Variants in OSBPL3 observed in about 807,000 individuals in gnomAD.
The protein encoded by OSBPL3 is oxysterol binding protein like 3.
A neutral mutation model predicts 120.1 loss-of-function variants in OSBPL3; 65 were observed. The observed-to-expected ratio is 0.54, with a 90% confidence interval of 0.44 to 0.67. The LOEUF is 0.67. Ranked by LOEUF, OSBPL3 falls within the 30% of genes least tolerant of loss-of-function variation. OSBPL3 has a pLI of 0.00. For missense variants in OSBPL3, 1,004 were observed against 1,082.1 expected (o/e 0.93, Z 1.01); for synonymous variants, 416 against 402.6 (o/e 1.03, Z -0.40).
intron 16 of OSBPL3, among the ~76,000 whole-genome samples, chr7:24,826,356 G>A (rs893735759): frequency 1.3e-5 from 2 of 152,160 alleles, no homozygotes; most frequent in African/African-American, 4.8e-5. Flanking sequence ...ACTCCTGATC[G>A]GTCCTCTTTC....
chr7:24,897,360 C>G (rs1440481367), intron 1 of OSBPL3, among the ~76,000 whole-genome samples: 2 of 128,532 alleles, frequency 1.6e-5, no homozygotes, highest in Non-Finnish European at 3.1e-5. Flanking sequence ...GAGTCTCGCT[C>G]TGTCGCCCAG....
At position 24,881,563 on chromosome 7, in the gene OSBPL3, T is replaced by G. The variant is rs141237634; in HGVS notation, c.97-9494A>C. On this transcript the variant is annotated intron_variant, in intron 2 of 22. Transcript: ENST00000313367. The surrounding 1 kb of genome is among the most constrained non-coding windows in gnomAD (Gnocchi z 4.3). ...AATTTGTAAATTGTCAAATGGGAGA[T>G]TCACACAAACCTGCTGCAGGAGTTC... is the stretch of plus-strand genomic sequence containing the variant. 0.011 allele frequency among the ~76,000 whole-genome samples: 1,709 copies of G among 152,190 alleles called. 14 individuals carry two copies. The highest frequency in any genetic ancestry group is 0.037 in the South Asian group (180 of 4,818).
rs1428891024 is a variant in OSBPL3 at position 24,922,088 on chromosome 7, T to C, written c.-149-29467A>G. Reference sequence around the variant, plus strand: ...CTCTATACTTCTAACATTGTTAGTATTGTGAATGCAATTTACTTTTTAAAT... The same window carrying C: ...CTCTATACTTCTAACATTGTTAGTACTGTGAATGCAATTTACTTTTTAAAT... On this transcript the variant is annotated intron_variant, in intron 1 of 22. Coordinates refer to ENST00000313367, the MANE Select transcript of OSBPL3 (RefSeq NM_015550.4). The surrounding 1 kb of genome is among the most constrained non-coding windows in gnomAD (Gnocchi z 4.3). Among the ~76,000 whole-genome samples, 1 of 152,252 alleles carries C rather than the reference T, an allele frequency of 6.6e-6. No homozygotes were observed. Among genetic ancestry groups the C allele is most frequent in the Non-Finnish European group, 1.5e-5 (1 of 68,042 alleles).
intron 1 of OSBPL3, among the ~76,000 whole-genome samples, chr7:24,909,935 G>A (rs558672312): frequency 1.3e-5 from 2 of 151,838 alleles, no homozygotes; most frequent in East Asian, 3.9e-4. Flanking sequence ...CTCATGAGTA[G>A]CTGGGATTAC....
chr7:24,946,651 T>A lies in OSBPL3; in HGVS notation c.-150+33235A>T, dbSNP rs766732159. Among the ~76,000 whole-genome samples, 1 of 152,214 alleles carries A rather than the reference T, an allele frequency of 6.6e-6. No individual in the cohort carries two copies. The highest frequency in any genetic ancestry group is 6.5e-5 in the Admixed American group (1 of 15,286). On this transcript the variant is annotated intron_variant, in intron 1 of 22. Coordinates refer to ENST00000313367, the MANE Select transcript of OSBPL3 (RefSeq NM_015550.4). This position sits in a 1 kb window ranked among gnomAD's most constrained non-coding sequence, Gnocchi z 4.3. The stretch of plus-strand genomic sequence containing the variant: ...AAGCTGCTTTTGGACTTTGGACTCC[T>A]AAGCAACAAAAGGCCACACCACCAG...
intron 10 of OSBPL3, among the ~76,000 whole-genome samples, chr7:24,857,081 G>T (rs1184579401): frequency 2.0e-5 from 3 of 152,064 alleles, no homozygotes; most frequent in African/African-American, 7.2e-5. Context: ...AGGTATCATT[G>T]TAACACACTT....
chr7:24,928,101 C>T (rs535552432), intron 1 of OSBPL3, among the ~76,000 whole-genome samples: 1 of 152,232 alleles, frequency 6.6e-6, no homozygotes, highest in South Asian at 2.1e-4. Context: ...GCTCCCCCTT[C>T]GCCTTCTGCC....
At chr7:24,825,183 G>A (rs1174573203) in intron 16 of OSBPL3, among the ~76,000 whole-genome samples, 3 of 152,198 alleles carry the variant, frequency 2.0e-5, no homozygotes, top group African/African-American at 4.8e-5. Context: ...CTGGAAACAG[G>A]AGACCAGTAG....
At chr7:24,865,249 T>A (rs2040689) in intron 7 of OSBPL3, 93 bp downstream of exon 7, 481,260 of 1,330,408 alleles carry the variant, frequency 0.36, 97,525 homozygotes, top group East Asian at 0.78. Flanking sequence ...TGGACAAGCA[T>A]AGGGGAAGGA....
In OSBPL3 at chr7:24,800,257, C is replaced by A. The variant is rs143927692; in HGVS notation, c.2590G>T (p.Val864Leu). 2 of 1,610,866 alleles carry A rather than the reference C, an allele frequency of 1.2e-6. No individual in the cohort carries two copies. Among genetic ancestry groups the A allele is most frequent in the Non-Finnish European group, 1.7e-6 (2 of 1,177,178 alleles). The change falls in exon 23 of 23, where the codon GTG (valine) becomes TTG (leucine). Residue 864 changes from valine to leucine, a missense_variant. Physicochemically the swap from Val to Leu is conservative, Grantham distance 32 (BLOSUM62 1). Around this residue, in one of 4 missense-constraint regions of OSBPL3, gnomAD observed 473 missense variants for 568.0 expected, o/e 0.83. Coordinates refer to ENST00000313367, the MANE Select transcript of OSBPL3 (RefSeq NM_015550.4). ...FFRKSDDDSWVSNGTYLELRK... is the reference protein window; with the variant it reads ...FFRKSDDDSWLSNGTYLELRK... The stretch of plus-strand genomic sequence containing the variant: ...AGTTCCAAATAGGTGCCGTTGCTCA[C>A]CCAAGAGTCATCGTCGGATTTCCTG...
chr7:24,923,936 A>T (rs921851528), intron 1 of OSBPL3, among the ~76,000 whole-genome samples: 2 of 152,222 alleles, frequency 1.3e-5, no homozygotes, highest in African/African-American at 4.8e-5. Flanking sequence ...AAACAATTTC[A>T]AATATCAACA....
At position 24,872,450 on chromosome 7, in the gene OSBPL3, T is replaced by G. The variant is rs62450562; in HGVS notation, c.97-381A>C. Among the ~76,000 whole-genome samples, 1 of 86,158 alleles carries G rather than the reference T, an allele frequency of 1.2e-5. No individual in the cohort carries two copies. The highest frequency in any genetic ancestry group is 4.3e-5 in the African/African-American group (1 of 23,278). 56.5% of individuals were successfully genotyped at this position (86,158 alleles called of 152,430 possible). ...AGTCTGAATTTTAACCGAAAGAGAG[T>G]GTGTGTGTGTGTGTGTGTGTGTGTG... On this transcript the variant is annotated intron_variant, in intron 2 of 22. Transcript: ENST00000313367. The surrounding 1 kb of genome is among the most constrained non-coding windows in gnomAD (Gnocchi z 4.1).
intron 7 of OSBPL3, 80 bp downstream of exon 7, chr7:24,865,262 C>A: frequency 6.9e-7 from 1 of 1,457,610 alleles, no homozygotes; most frequent in South Asian, 1.3e-5. Context: ...GGGAAGGACA[C>A]AAATGAATCT....
chr7:24,863,768 G>A lies in OSBPL3; in HGVS notation c.674-169C>T, dbSNP rs1800925157. ...TTTACAGGAAAGGCTGTAGACTCTA[G>A]TGGTTAAGGGCATGAATCTTGAGAA... On this transcript the variant is annotated intron_variant, in intron 7 of 22. Coordinates refer to ENST00000313367, the MANE Select transcript of OSBPL3 (RefSeq NM_015550.4). The surrounding 1 kb of genome is among the most constrained non-coding windows in gnomAD (Gnocchi z 5.8). Among the ~76,000 whole-genome samples the A allele has an allele frequency of 6.6e-6, 1 of 152,046 alleles. No homozygotes were observed. The highest frequency in any genetic ancestry group is 2.4e-5 in the African/African-American group (1 of 41,388).
At chr7:24,825,823 G>A (rs1795640500) in intron 16 of OSBPL3, among the ~76,000 whole-genome samples, 1 of 152,174 alleles carries the variant, frequency 6.6e-6, no homozygotes, top group South Asian at 2.1e-4. Flanking sequence ...AGCCTGTAGA[G>A]CAAAAGAAAA....
chr7:24,979,806 ACAG>A (rs1443775507), intron 1 of OSBPL3, 77 bp downstream of exon 1: 1 of 673,412 alleles, frequency 1.5e-6, no homozygotes, highest in African/African-American at 2.0e-5. Flanking sequence ...CGCCCCGCAA[ACAG>A]CAGCCCTTCC....
Position 24,891,190 on chromosome 7 carries a change from T to C in OSBPL3, c.96+1187A>G, listed in dbSNP as rs769920407. On this transcript the variant is annotated intron_variant, in intron 2 of 22. Coordinates refer to ENST00000313367, the MANE Select transcript of OSBPL3 (RefSeq NM_015550.4). The surrounding 1 kb of genome is among the most constrained non-coding windows in gnomAD (Gnocchi z 4.1). ...CAGGGAGCCATGATGCATTAGCCAA[T>C]GACTAATTTTAGTCTTTTCTTATTT... Among the ~76,000 whole-genome samples the C allele has an allele frequency of 6.6e-6, 1 of 151,318 alleles. No homozygotes were observed. Among genetic ancestry groups the C allele is most frequent in the Non-Finnish European group, 1.5e-5 (1 of 67,934 alleles).
intron 2 of OSBPL3, among the ~76,000 whole-genome samples, chr7:24,892,136 T>TG (rs1168131884): frequency 1.3e-5 from 2 of 152,130 alleles, no homozygotes; most frequent in African/African-American, 4.8e-5. Context: ...AAATCTACAT[T>TG]GGGGGACAGT....
At chr7:24,810,218 TATG>T (rs2128115468) in intron 19 of OSBPL3, 1 of 328,506 alleles carries the variant, frequency 3.0e-6, no homozygotes, top group Non-Finnish European at 5.6e-6. Context: ...CATACTTACT[TATG>T]ATAACACTTA....
Sources: allele counts gnomAD v4.1 joint callset (sites outside exome capture counted in the v4.1 genomes callset), GRCh38; gene constraint gnomAD v4.1.1; regional missense constraint gnomAD v4.1.1; non-coding constraint Gnocchi (gnomAD v3.1); transcripts MANE v1.5; gene names NCBI Gene and HGNC (gene_info 2026-07-23, HGNC 2026-07-21).